Variants in TNIK observed in about 807,000 individuals in gnomAD.
TNIK encodes the protein TRAF2 and NCK-interacting protein kinase.
A neutral mutation model predicts 191.3 loss-of-function variants in TNIK; 49 were observed. The ratio of observed to expected loss-of-function variants is 0.26; its 90% CI spans 0.20 to 0.32. The LOEUF (loss-of-function observed/expected upper bound fraction) is 0.32, where lower values mean the gene tolerates loss of function less well. Among genes scored for constraint, TNIK ranks in the 10% least tolerant of loss-of-function variants. TNIK has a pLI of 1.00. For missense variants in TNIK, 1,155 were observed against 1,702.3 expected (o/e 0.68, Z 5.66); for synonymous variants, 594 against 600.9 (o/e 0.99, Z 0.17).
intron 2 of TNIK, among the ~76,000 whole-genome samples, chr3:171,321,020 G>A (rs1306010347): frequency 6.6e-6 from 1 of 152,206 alleles, no homozygotes; most frequent in African/African-American, 2.4e-5. Context: ...CAGTAGCTCA[G>A]AGGCTGTGAC....
chr3:171,422,094 A>G (rs2108633216), intron 1 of TNIK, among the ~76,000 whole-genome samples: 1 of 152,216 alleles, frequency 6.6e-6, no homozygotes, highest in East Asian at 1.9e-4. Flanking sequence ...AAATAATATT[A>G]TTGTGACACT....
At chr3:171,326,434 C>T (rs1424694590) in intron 2 of TNIK, among the ~76,000 whole-genome samples, 1 of 151,346 alleles carries the variant, frequency 6.6e-6, no homozygotes, top group Admixed American at 6.6e-5. Flanking sequence ...GGCTTATGTG[C>T]ATTTCCTTCT....
In TNIK at chr3:171,356,519, C is replaced by A. The variant is rs139456869; in HGVS notation, c.123+13101G>T. On this transcript the variant is annotated intron_variant, in intron 2 of 32. Transcript: ENST00000436636. The stretch of plus-strand genomic sequence containing the variant: ...AGATGAGAAGCACTATATATTGAAA[C>A]AGGCTATGGCATCGCTGCTCTATAG... Among the ~76,000 whole-genome samples, 25 of 152,296 alleles carry A rather than the reference C, an allele frequency of 1.6e-4. No homozygotes were observed. In the East Asian group the frequency reaches 4.8e-3, roughly 29 times the overall value.
chr3:171,207,197 G>T (rs1285523600), intron 4 of TNIK, among the ~76,000 whole-genome samples: 1 of 152,082 alleles, frequency 6.6e-6, no homozygotes, highest in Non-Finnish European at 1.5e-5. Context: ...TATATCCAGA[G>T]GTGGGGCTTC....
At chr3:171,332,988 A>T (rs867188747) in intron 2 of TNIK, among the ~76,000 whole-genome samples, 5 of 152,222 alleles carry the variant, frequency 3.3e-5, no homozygotes, top group Non-Finnish European at 7.3e-5. Flanking sequence ...AATCTGTGAT[A>T]TACAGTGAGT....
intron 32 of TNIK, 76 bp downstream of exon 32, chr3:171,066,111 G>T: frequency 6.4e-7 from 1 of 1,562,564 alleles, no homozygotes; most frequent in Non-Finnish European, 8.7e-7. Flanking sequence ...TCAGTATAAA[G>T]GAAAATGAAG....
At chr3:171,181,642 T>TC (rs1337585899) in intron 7 of TNIK, among the ~76,000 whole-genome samples, 2 of 152,200 alleles carry the variant, frequency 1.3e-5, no homozygotes, top group Non-Finnish European at 2.9e-5. Context: ...GCTAACTTTT[T>TC]CCCACTTCTT....
intron 1 of TNIK, among the ~76,000 whole-genome samples, chr3:171,454,716 G>A (rs1380039630): frequency 1.3e-5 from 2 of 152,176 alleles, no homozygotes; most frequent in South Asian, 2.1e-4. Flanking sequence ...TTGAGATACT[G>A]TTATCAACTC....
At chr3:171,437,194 C>A (rs1385819946) in intron 1 of TNIK, among the ~76,000 whole-genome samples, 1 of 152,164 alleles carries the variant, frequency 6.6e-6, no homozygotes, top group Non-Finnish European at 1.5e-5. Flanking sequence ...CTGTAAAGTG[C>A]AACAGTCTGC....
chr3:171,421,023 CTG>C (rs1487262804), intron 1 of TNIK, among the ~76,000 whole-genome samples: 1 of 152,144 alleles, frequency 6.6e-6, no homozygotes, highest in Non-Finnish European at 1.5e-5. Flanking sequence ...GTAACTGAAA[CTG>C]TGGAAAATGA....
At chr3:171,164,117 A>G (rs1201564661) in intron 10 of TNIK, among the ~76,000 whole-genome samples, 2 of 152,256 alleles carry the variant, frequency 1.3e-5, no homozygotes, top group Non-Finnish European at 2.9e-5. Context: ...AAGCCTAAAC[A>G]GGCTTAGATT....
intron 32 of TNIK, among the ~76,000 whole-genome samples, chr3:171,065,945 T>G (rs2108301875): frequency 6.6e-6 from 1 of 152,202 alleles, no homozygotes; most frequent in East Asian, 1.9e-4. Context: ...CAAAAGGCCT[T>G]TAGGCCACAA....
intron 1 of TNIK, among the ~76,000 whole-genome samples, chr3:171,416,518 C>G (rs1560045039): frequency 6.6e-6 from 1 of 151,908 alleles, no homozygotes; most frequent in Non-Finnish European, 1.5e-5. Context: ...CTAGAGAAAG[C>G]TGAATATGGA....
intron 1 of TNIK, among the ~76,000 whole-genome samples, chr3:171,436,876 TTCA>T (rs1056648912): frequency 3.3e-5 from 5 of 152,296 alleles, no homozygotes; most frequent in Non-Finnish European, 2.9e-5. Context: ...GTATCTACCT[TTCA>T]TCCCCATCCC....
intron 21 of TNIK, among the ~76,000 whole-genome samples, chr3:171,105,537 A>G (rs184373565): frequency 1.3e-5 from 2 of 152,320 alleles, no homozygotes; most frequent in African/African-American, 4.8e-5. Flanking sequence ...AGATCAGGAT[A>G]GTCACCTGGA....
intron 29 of TNIK, among the ~76,000 whole-genome samples, chr3:171,070,802 T>C (rs1001916845): frequency 6.6e-6 from 1 of 152,206 alleles, no homozygotes; most frequent in African/African-American, 2.4e-5. Context: ...GGGACTTCAT[T>C]CAGAAAGATT....
At chr3:171,287,616 A>G (rs938848332) in intron 2 of TNIK, among the ~76,000 whole-genome samples, 6 of 152,248 alleles carry the variant, frequency 3.9e-5, no homozygotes, top group Admixed American at 2.6e-4. Flanking sequence ...TTAAAAGACT[A>G]TAAGTTTTGA....
chr3:171,142,148 C>T (rs954294865), intron 12 of TNIK, among the ~76,000 whole-genome samples: 4 of 152,180 alleles, frequency 2.6e-5, no homozygotes, highest in Non-Finnish European at 4.4e-5. Context: ...TCCAGATCAA[C>T]AATGATTTTT....
chr3:171,237,578 A>G (rs1372517944), intron 2 of TNIK, among the ~76,000 whole-genome samples: 1 of 152,164 alleles, frequency 6.6e-6, no homozygotes, highest in Non-Finnish European at 1.5e-5. Context: ...TTTATTATAC[A>G]TACACATAAC....
Sources: gnomAD v4.1 joint callset for allele counts (sites outside exome capture counted in the v4.1 genomes callset) on GRCh38, gnomAD v4.1.1 for gene constraint, MANE v1.5 for transcripts, NCBI Gene and HGNC (gene_info 2026-07-23, HGNC 2026-07-21) for gene names.